The following DPP6 variants were observed in gnomAD, a reference collection of about 807,000 sequenced individuals.
DPP6 encodes the protein dipeptidyl peptidase like 6, also known as A-type potassium channel modulatory protein DPP6.
Under a neutral mutation model 122.6 loss-of-function variants are expected in DPP6, and 69 were observed. That is an observed-to-expected ratio of 0.56 (90% CI 0.46 to 0.69). The LOEUF (loss-of-function observed/expected upper bound fraction) is 0.69, where lower values mean the gene tolerates loss of function less well. Among genes scored for constraint, DPP6 ranks in the 30% least tolerant of loss-of-function variants. The pLI, the probability that DPP6 is intolerant of heterozygous loss-of-function variation, is 0.00. For missense variants in DPP6, 928 were observed against 1,116.9 expected (o/e 0.83, Z 2.41); for synonymous variants, 418 against 433.1 (o/e 0.97, Z 0.43).
intron 1 of DPP6, among the ~76,000 whole-genome samples, chr7:154,211,720 C>A (rs768011382): frequency 6.6e-6 from 1 of 152,270 alleles, no homozygotes; most frequent in East Asian, 1.9e-4. Flanking sequence ...CTCAGAGGAC[C>A]AGTGGCCCTC....
At chr7:154,098,367 T>G (rs56864774) in intron 1 of DPP6, among the ~76,000 whole-genome samples, 15,708 of 152,072 alleles carry the variant, frequency 0.1, 873 homozygotes, top group African/African-American at 0.17. Flanking sequence ...TCTTTATAAA[T>G]TACCCAGTAT....
In DPP6 at chr7:154,472,307, T is replaced by C. The variant is rs371513922; in HGVS notation, c.359-2632T>C. On this transcript the variant is annotated intron_variant, in intron 2 of 25. Transcript: ENST00000377770. Reference sequence around the variant, plus strand: ...CCCCTCTAGGATTTCCTGTTCACATTGTCTGCCACGCCAATGCCAACACAC... The same window carrying C: ...CCCCTCTAGGATTTCCTGTTCACATCGTCTGCCACGCCAATGCCAACACAC... Among the ~76,000 whole-genome samples, 23 of 152,360 alleles carry C rather than the reference T, an allele frequency of 1.5e-4. No homozygotes were observed. In the East Asian group the frequency reaches 3.1e-3, roughly 20 times the overall value.
chr7:153,929,129 T>C (rs898440372), intron 1 of DPP6, among the ~76,000 whole-genome samples: 1 of 152,136 alleles, frequency 6.6e-6, no homozygotes, highest in Non-Finnish European at 1.5e-5. Context: ...CTGCCCTGTC[T>C]GCTGTGTTGG....
At chr7:154,883,057 ACATT>A (rs1289285702) in intron 21 of DPP6, among the ~76,000 whole-genome samples, 1,817 of 75,260 alleles carry the variant, frequency 0.024, 32 homozygotes, top group African/African-American at 0.088. Flanking sequence ...ACATGCTCAC[ACATT>A]CACACACATG....
chr7:154,782,802 G>C (rs1292892738), intron 10 of DPP6, among the ~76,000 whole-genome samples: 1 of 151,730 alleles, frequency 6.6e-6, no homozygotes, highest in Non-Finnish European at 1.5e-5. Context: ...ATTATTTTTT[G>C]AGACAGAGCC....
At chr7:154,673,126 A>G (rs1838673052) in intron 7 of DPP6, among the ~76,000 whole-genome samples, 1 of 152,166 alleles carries the variant, frequency 6.6e-6, no homozygotes, top group African/African-American at 2.4e-5. Flanking sequence ...GCAAGCCCTA[A>G]CCTATTAAGT....
At chr7:153,783,727 T>C in the DPP6 span, among the ~76,000 whole-genome samples, 1 of 152,214 alleles carries the variant, frequency 6.6e-6, no homozygotes, top group Non-Finnish European at 1.5e-5. Flanking sequence ...TTTTGAAAAC[T>C]GTCACTATTG....
chr7:154,721,334 T>C (rs1841794770), intron 7 of DPP6, among the ~76,000 whole-genome samples: 1 of 152,182 alleles, frequency 6.6e-6, no homozygotes, highest in African/African-American at 2.4e-5. Context: ...GCCGCACCCC[T>C]GACCCACCAG....
intron 1 of DPP6, among the ~76,000 whole-genome samples, chr7:154,321,106 A>G (rs1358137074): frequency 1.3e-5 from 2 of 152,064 alleles, no homozygotes; most frequent in Non-Finnish European, 2.9e-5. Flanking sequence ...GCATGGCAAA[A>G]ATCCATCTCT....
chr7:154,437,427 G>A (rs1236576240), intron 1 of DPP6, among the ~76,000 whole-genome samples: 7 of 152,156 alleles, frequency 4.6e-5, no homozygotes, highest in Admixed American at 2.0e-4. Flanking sequence ...GTCTTGGCTG[G>A]CATTTGCTTC....
intron 1 of DPP6, among the ~76,000 whole-genome samples, chr7:153,917,080 G>A (rs1403114701): frequency 6.6e-6 from 1 of 152,198 alleles, no homozygotes; most frequent in Non-Finnish European, 1.5e-5. Flanking sequence ...GGTCTGGGGT[G>A]GGACCTGGGA....
intron 7 of DPP6, among the ~76,000 whole-genome samples, chr7:154,711,902 G>A (rs1841203268): frequency 1.3e-5 from 2 of 149,808 alleles, no homozygotes; most frequent in South Asian, 4.2e-4. Flanking sequence ...ACTTTGAATT[G>A]GTTTAAGAAA....
intron 1 of DPP6, among the ~76,000 whole-genome samples, chr7:154,040,977 G>A (rs551352693): frequency 4.5e-4 from 68 of 151,898 alleles, no homozygotes; most frequent in African/African-American, 1.5e-3. Context: ...TAGGGCAACA[G>A]GGTTTTGCCT....
rs117561216 is a variant in DPP6, at chr7:154,743,562, C to G, written c.883+15675C>G. ...TAAGCTGCTCAAATGCCTGCTTTAA[C>G]AAAAGTCTGCCAGGGCTAGAGGTGA... On this transcript the variant is annotated intron_variant, in intron 8 of 25. Transcript: ENST00000377770. Among the ~76,000 whole-genome samples, 625 of 152,306 alleles carry G rather than the reference C, an allele frequency of 4.1e-3. 4 individuals are homozygous for G. The highest frequency in any genetic ancestry group is 6.8e-3 in the Non-Finnish European group (465 of 68,014).
chr7:154,462,300 A>G (rs10230517), intron 2 of DPP6, among the ~76,000 whole-genome samples: 30,063 of 152,072 alleles, frequency 0.2, 3,528 homozygotes, highest in East Asian at 0.42. Context: ...AATATGATTC[A>G]TCCAGTTTTG....
At position 154,179,081 on chromosome 7, in the gene DPP6, C is replaced by A. The variant is rs1236323370; in HGVS notation, c.243+126018C>A. ...ATGCAGGCTGAAGAAGTTCCTGCCA[C>A]TGGTGACTCATCATCAGAATTCCCC... On this transcript the variant is annotated intron_variant, in intron 1 of 25. Transcript: ENST00000377770. Among the ~76,000 whole-genome samples the A allele has an allele frequency of 2.0e-5, 3 of 152,176 alleles. No homozygotes were observed. The East Asian group carries it at 5.8e-4, about 29-fold the overall frequency.
Position 154,758,255 on chromosome 7 carries a change from G to GT in DPP6, c.884-11161dup, listed in dbSNP as rs556781279. On this transcript the variant is annotated intron_variant, in intron 8 of 25. Coordinates refer to ENST00000377770, the MANE Select transcript of DPP6 (RefSeq NM_130797.4). ...GTCAGTCAGGGCCGGGAAACAGGCC[G>GT]TGGAGCTGCCTCAGAAGGCCCGCAA... Among the ~76,000 whole-genome samples, 498 of 152,312 alleles carry GT rather than the reference G, an allele frequency of 3.3e-3. 4 individuals carry two copies. Among genetic ancestry groups the GT allele is most frequent in the Non-Finnish European group, 4.2e-3 (287 of 68,020 alleles).
At chr7:154,229,925 C>G (rs1269879318) in intron 1 of DPP6, among the ~76,000 whole-genome samples, 1 of 152,024 alleles carries the variant, frequency 6.6e-6, no homozygotes, top group African/African-American at 2.4e-5. Flanking sequence ...CACATTTTTT[C>G]ATGAACTTTT....
intron 1 of DPP6, among the ~76,000 whole-genome samples, chr7:154,344,327 T>A (rs2337880): frequency 0.073 from 11,045 of 152,146 alleles, 1,235 homozygotes; most frequent in African/African-American, 0.24. Context: ...CTAAACATCA[T>A]TGCTCATCAG....
Sources: allele counts gnomAD v4.1 joint callset (sites outside exome capture counted in the v4.1 genomes callset), GRCh38; gene constraint gnomAD v4.1.1; transcripts MANE v1.5; gene names NCBI Gene and HGNC (gene_info 2026-07-23, HGNC 2026-07-21).